Variants in WDR11 observed in about 807,000 individuals in gnomAD.
The protein encoded by WDR11 is WD repeat-containing protein 11.
A neutral mutation model predicts 151.2 loss-of-function variants in WDR11; 83 were observed. That is an observed-to-expected ratio of 0.55 (90% CI 0.46 to 0.66). The LOEUF is 0.66. Ranked by LOEUF, WDR11 falls within the 30% of genes least tolerant of loss-of-function variation. The pLI is 0.00. For missense variants in WDR11, 1,301 were observed against 1,480.9 expected (o/e 0.88, Z 1.99); for synonymous variants, 484 against 533.1 (o/e 0.91, Z 1.27).
chr10:120,862,857 A>G lies in WDR11; in HGVS notation c.649A>G (p.Thr217Ala). 6.2e-7 allele frequency: 1 copy of G among 1,613,974 alleles called. No homozygotes were observed. Among genetic ancestry groups the G allele is most frequent in the African/African-American group, 1.3e-5 (1 of 75,044 alleles). ...TAGCCCAGCTCATAACAAGCTGGCC[A>G]CAGCCACAGGTGCCAAGAAAGCTCT... is the stretch of plus-strand genomic sequence containing the variant. ...HSSPAHNKLA[T>A]ATGAKKALNK... The change falls in exon 5 of 29, where the codon ACA becomes GCA. Residue 217 changes from threonine to alanine, a missense_variant. Physicochemically the swap from Thr to Ala is moderately conservative, Grantham distance 58. Around this residue, in one of 3 missense-constraint regions of WDR11, gnomAD observed 692 missense variants for 762.5 expected, o/e 0.91. Transcript: ENST00000263461.
chr10:120,879,721 C>A (rs991808283), intron 12 of WDR11: 11 of 151,998 alleles, frequency 7.2e-5, no homozygotes, highest in African/African-American at 2.7e-4. Flanking sequence ...CAGGACAGGA[C>A]ATGGGCTGTT....
intron 4 of WDR11, 111 bp from the exon 5 acceptor site, chr10:120,862,624 A>G: frequency 2.7e-6 from 3 of 1,095,808 alleles, no homozygotes; most frequent in South Asian, 2.6e-5. Context: ...TAACATTGCC[A>G]GTTATATATT....
chr10:120,852,660 T>C (rs754463126), intron 2 of WDR11, 25 bp downstream of exon 2: 36 of 1,582,278 alleles, frequency 2.3e-5, no homozygotes, highest in Non-Finnish European at 3.0e-5. Flanking sequence ...ACTTTGACGC[T>C]AACATGTTGT....
chr10:120,907,555 A>G (rs1436408959), intron 28 of WDR11: 1 of 149,896 alleles, frequency 6.7e-6, no homozygotes, highest in African/African-American at 2.5e-5. Context: ...CATGGCAGGT[A>G]CTTGGTTCTC....
chr10:120,898,619 T>C (rs1370297906), intron 19 of WDR11, among the ~76,000 whole-genome samples: 2 of 152,152 alleles, frequency 1.3e-5, no homozygotes, highest in Non-Finnish European at 2.9e-5. Context: ...GATTGGATCA[T>C]GGGGGCAGAT....
chr10:120,900,252 G>T, intron 20 of WDR11, 115 bp downstream of exon 20: 1 of 928,566 alleles, frequency 1.1e-6, no homozygotes, highest in Admixed American at 1.9e-5. Flanking sequence ...CTTTAAAGCC[G>T]AGAGAAGGCA....
rs1322445753 is a variant in WDR11 at position 120,858,777 on chromosome 10, G to A, written c.333G>A (p.Glu111=). The change falls in exon 3 of 29, where the codon GAG becomes GAA. Residue 111 remains glutamate (E), a synonymous_variant. Transcript: ENST00000263461. ...AAGVAQCEIQ[E]HAKPIQDVQW... The stretch of plus-strand genomic sequence containing the variant: ...GAGTAGCTCAGTGTGAGATCCAAGA[G>A]CATGCCAAGCCTATCCAGGGTGAGG... 2 of 1,614,188 alleles carry A rather than the reference G, an allele frequency of 1.2e-6. No individual in the cohort carries two copies. The highest frequency in any genetic ancestry group is 8.5e-7 in the Non-Finnish European group (1 of 1,180,032).
At chr10:120,851,543 C>G in intron 1 of WDR11, 37 bp downstream of exon 1, 1 of 1,596,576 alleles carries the variant, frequency 6.3e-7, no homozygotes, top group Non-Finnish European at 8.5e-7. Context: ...CAGGATCGGC[C>G]AGGAATGTGT....
chr10:120,883,807 T>A lies in WDR11; in HGVS notation c.1767T>A (p.Asp589Glu). 1 of 1,613,544 alleles carries A rather than the reference T, an allele frequency of 6.2e-7. No individual in the cohort carries two copies. The highest frequency in any genetic ancestry group is 8.5e-7 in the Non-Finnish European group (1 of 1,179,602). Residue 589 changes from aspartate to glutamate, a missense_variant, in exon 14 of 29, where the codon GAT becomes GAA. This residue lies in a region of WDR11 where 692 missense variants were observed against 762.5 expected (regional missense o/e 0.91). Transcript: ENST00000263461. ...AGTATTTGGCAGTCGTATTCAGAGA[T>A]AAACCCCTGGAGCTATGGGATGTTA... is the stretch of plus-strand genomic sequence containing the variant. ...LKQYLAVVFR[D>E]KPLELWDVRT...
intron 16 of WDR11, among the ~76,000 whole-genome samples, chr10:120,888,583 C>G (rs1313679060): frequency 2.0e-5 from 3 of 152,226 alleles, no homozygotes; most frequent in Non-Finnish European, 1.5e-5. Flanking sequence ...AACAGCATCT[C>G]TTCACCTTCA....
chr10:120,890,038 A>G, intron 18 of WDR11, 29 bp downstream of exon 18: 1 of 1,480,598 alleles, frequency 6.8e-7, no homozygotes, highest in Non-Finnish European at 9.4e-7. Flanking sequence ...GATAAAACGT[A>G]AATAAATTGT....
intron 9 of WDR11, among the ~76,000 whole-genome samples, chr10:120,870,189 A>G (rs540117919): frequency 5.9e-5 from 9 of 152,262 alleles, no homozygotes; most frequent in Admixed American, 5.9e-4. Flanking sequence ...TTTTTTCTAT[A>G]TATTTTGTGG....
rs1359440148 is a variant in WDR11 at position 120,851,433 on chromosome 10, A to G, written c.13A>G (p.Thr5Ala). The G allele has an allele frequency of 6.2e-7, 1 of 1,611,740 alleles. No homozygotes were observed. The highest frequency in any genetic ancestry group is 8.5e-7 in the Non-Finnish European group (1 of 1,179,596). MLPY[T>A]VNFKVSARTL... ...GCTGGCCGCCGGGATGTTGCCCTAC[A>G]CAGTGAACTTCAAGGTGTCGGCGCG... The change falls in exon 1 of 29, where the codon ACA becomes GCA. Residue 5 changes from threonine (T) to alanine (A), a missense_variant. Transcript: ENST00000263461.
At chr10:120,890,945 T>C (rs1847411444) in intron 19 of WDR11, 58 bp downstream of exon 19, 1 of 1,569,732 alleles carries the variant, frequency 6.4e-7, no homozygotes, top group Non-Finnish European at 8.8e-7. Context: ...CCACAAGCTC[T>C]TGTATTTTGG....
intron 13 of WDR11, among the ~76,000 whole-genome samples, chr10:120,881,758 T>G (rs1847014623): frequency 6.6e-6 from 1 of 152,130 alleles, no homozygotes; most frequent in African/African-American, 2.4e-5. Context: ...TATAGGTGCT[T>G]TTGTTAATTC....
intron 4 of WDR11, among the ~76,000 whole-genome samples, chr10:120,861,764 TCCAGTATTA>T (rs1846148228): frequency 6.6e-6 from 1 of 151,264 alleles, no homozygotes; most frequent in East Asian, 2.0e-4. Context: ...GCTCATGTCT[TCCAGTATTA>T]GGCCCATTGT....
intron 23 of WDR11, 116 bp downstream of exon 23, chr10:120,903,348 A>G: frequency 7.6e-7 from 1 of 1,314,668 alleles, no homozygotes; most frequent in Middle Eastern, 2.4e-4. Flanking sequence ...TAATAGAAAT[A>G]AGCCCTTGAA....
chr10:120,861,606 G>T (rs1321521014), intron 4 of WDR11, among the ~76,000 whole-genome samples: 2 of 152,194 alleles, frequency 1.3e-5, no homozygotes, highest in Non-Finnish European at 2.9e-5. Flanking sequence ...TGAAAGCATT[G>T]TGTGTTCCAG....
At chr10:120,860,375 C>G in intron 4 of WDR11, 93 bp downstream of exon 4, 5 of 1,384,792 alleles carry the variant, frequency 3.6e-6, no homozygotes, top group Non-Finnish European at 5.0e-6. Flanking sequence ...CATTATACAT[C>G]TATAATGTTA....
Sources: gnomAD v4.1 joint callset for allele counts (sites outside exome capture counted in the v4.1 genomes callset) on GRCh38, gnomAD v4.1.1 for gene constraint, gnomAD v4.1.1 regional missense constraint, MANE v1.5 for transcripts, NCBI Gene and HGNC (gene_info 2026-07-23, HGNC 2026-07-21) for gene names.